Variants in GALNT18 observed in about 807,000 individuals in gnomAD.
The protein encoded by GALNT18 is GalNAc-transferase 18.
Under a neutral mutation model 69.5 loss-of-function variants are expected in GALNT18, and 44 were observed. That is an observed-to-expected ratio of 0.63 (90% CI 0.50 to 0.81). The LOEUF is 0.81. GALNT18 is among the 40% of genes least tolerant of loss of function. GALNT18 has a pLI of 0.00. For missense variants in GALNT18, 715 were observed against 810.0 expected (o/e 0.88, Z 1.42); for synonymous variants, 364 against 318.2 (o/e 1.14, Z -1.53).
chr11:11,485,528 T>G (rs1481278503), intron 1 of GALNT18, among the ~76,000 whole-genome samples: 1 of 152,216 alleles, frequency 6.6e-6, no homozygotes, highest in Non-Finnish European at 1.5e-5. Context: ...GAAATGGGGA[T>G]GAAGACCAAC....
At chr11:11,273,982 C>A (rs1436940294) in intron 10 of GALNT18, among the ~76,000 whole-genome samples, 1 of 152,238 alleles carries the variant, frequency 6.6e-6, no homozygotes, top group African/African-American at 2.4e-5. Context: ...AACTGAGGGA[C>A]CTGGTTCATC....
intron 1 of GALNT18, among the ~76,000 whole-genome samples, chr11:11,544,993 G>T (rs1394981320): frequency 6.6e-6 from 1 of 152,188 alleles, no homozygotes; most frequent in Non-Finnish European, 1.5e-5. Flanking sequence ...CTGCCTTCCT[G>T]AACCTCACCC....
At chr11:11,471,776 C>T (rs1856275778) in intron 1 of GALNT18, among the ~76,000 whole-genome samples, 1 of 152,232 alleles carries the variant, frequency 6.6e-6, no homozygotes, top group African/African-American at 2.4e-5. Context: ...TTCTGTAGTA[C>T]TTTTCTGATA....
chr11:11,406,241 C>T (rs1410104536), intron 3 of GALNT18, among the ~76,000 whole-genome samples: 1 of 152,302 alleles, frequency 6.6e-6, no homozygotes, highest in East Asian at 1.9e-4. Context: ...TTAGTGGCTG[C>T]CAGGGCTGTT....
At position 11,550,643 on chromosome 11, in the gene GALNT18, G is replaced by A. The variant is rs144466194; in HGVS notation, c.235+70716C>T. Among the ~76,000 whole-genome samples the A allele has an allele frequency of 9.8e-5, 15 of 152,306 alleles. No homozygotes were observed. The East Asian group carries it at 2.9e-3, about 29-fold the overall frequency. ...ACACAGACAGGTAAGGACCACAGGA[G>A]TCCCATGCCATGGGAGTGTACCGTC... On this transcript the variant is annotated intron_variant, in intron 1 of 10. Transcript: ENST00000227756.
At chr11:11,553,347 T>G (rs1269092542) in intron 1 of GALNT18, among the ~76,000 whole-genome samples, 1 of 152,196 alleles carries the variant, frequency 6.6e-6, no homozygotes, top group Non-Finnish European at 1.5e-5. Flanking sequence ...ATACTTTGCC[T>G]TCCCAGTCAA....
At chr11:11,308,112 C>T (rs1849609321) in intron 9 of GALNT18, among the ~76,000 whole-genome samples, 1 of 152,124 alleles carries the variant, frequency 6.6e-6, no homozygotes, top group Non-Finnish European at 1.5e-5. Flanking sequence ...GAGGAAACTC[C>T]AGTGGAAGAT....
At chr11:11,524,064 T>C (rs1014493655) in intron 1 of GALNT18, among the ~76,000 whole-genome samples, 3 of 152,132 alleles carry the variant, frequency 2.0e-5, no homozygotes, top group African/African-American at 4.8e-5. Context: ...AATCAAATAC[T>C]TGTGACTGAT....
intron 3 of GALNT18, among the ~76,000 whole-genome samples, chr11:11,399,461 A>G (rs1429251493): frequency 1.4e-5 from 2 of 146,076 alleles, no homozygotes; most frequent in Non-Finnish European, 3.1e-5. Context: ...TCTTCAGCCC[A>G]GCATAGTTTT....
chr11:11,354,393 G>A (rs1168829407), intron 6 of GALNT18, among the ~76,000 whole-genome samples: 5 of 152,162 alleles, frequency 3.3e-5, no homozygotes, highest in African/African-American at 9.7e-5. Context: ...AGTCATTATG[G>A]TTCAGAGCAT....
intron 1 of GALNT18, among the ~76,000 whole-genome samples, chr11:11,519,235 T>G (rs1286308301): frequency 6.6e-6 from 1 of 152,114 alleles, no homozygotes; most frequent in African/African-American, 2.4e-5. Flanking sequence ...CTGAGTTTAA[T>G]TTAAAAACTA....
chr11:11,416,593 AC>A (rs1854863146), intron 3 of GALNT18, among the ~76,000 whole-genome samples: 1 of 152,216 alleles, frequency 6.6e-6, no homozygotes, highest in Admixed American at 6.5e-5. Context: ...GCTCCAACTC[AC>A]ATTCCTTTCC....
chr11:11,431,941 G>T (rs1223642090), intron 3 of GALNT18, among the ~76,000 whole-genome samples: 1 of 152,100 alleles, frequency 6.6e-6, no homozygotes, highest in Non-Finnish European at 1.5e-5. Flanking sequence ...GATGGCATAT[G>T]GGGGGGCAAA....
At chr11:11,486,563 G>A (rs1394389348) in intron 1 of GALNT18, among the ~76,000 whole-genome samples, 1 of 152,246 alleles carries the variant, frequency 6.6e-6, no homozygotes, top group East Asian at 1.9e-4. Context: ...CACCTGGAAA[G>A]TGCTGATTAC....
At chr11:11,556,409 T>A (rs1404725148) in intron 1 of GALNT18, among the ~76,000 whole-genome samples, 1 of 152,224 alleles carries the variant, frequency 6.6e-6, no homozygotes, top group Non-Finnish European at 1.5e-5. Context: ...GTCGCCAACA[T>A]GGCACCGGTA....
At chr11:11,366,166 A>T (rs12794600) in intron 6 of GALNT18, among the ~76,000 whole-genome samples, 5 of 152,018 alleles carry the variant, frequency 3.3e-5, no homozygotes, top group Non-Finnish European at 4.4e-5. Flanking sequence ...TTTCTGAATC[A>T]GCTTCTTTGA....
At chr11:11,576,251 T>G (rs576786523) in intron 1 of GALNT18, among the ~76,000 whole-genome samples, 1 of 152,322 alleles carries the variant, frequency 6.6e-6, no homozygotes, top group East Asian at 1.9e-4. Flanking sequence ...AGGACCTTGG[T>G]CAGACCCTCA....
chr11:11,506,859 G>C (rs1177755189), intron 1 of GALNT18, among the ~76,000 whole-genome samples: 1 of 152,144 alleles, frequency 6.6e-6, no homozygotes, highest in Admixed American at 6.5e-5. Context: ...CATGGAAAAT[G>C]GCCAGCCTGT....
At chr11:11,301,933 G>A (rs900510633) in intron 9 of GALNT18, among the ~76,000 whole-genome samples, 2 of 152,136 alleles carry the variant, frequency 1.3e-5, no homozygotes, top group Non-Finnish European at 2.9e-5. Flanking sequence ...CCCCAGAGCT[G>A]GAGTAACAGT....
Sources: allele counts gnomAD v4.1 joint callset (sites outside exome capture counted in the v4.1 genomes callset), GRCh38; gene constraint gnomAD v4.1.1; transcripts MANE v1.5; gene names NCBI Gene and HGNC (gene_info 2026-07-23, HGNC 2026-07-21).